Variants in FBXO34 observed in about 807,000 individuals in gnomAD.
FBXO34 encodes F-box only protein 34.
A neutral mutation model predicts 24.5 loss-of-function variants in FBXO34; 12 were observed. The ratio of observed to expected loss-of-function variants is 0.49; its 90% confidence interval spans 0.31 to 0.79. The LOEUF is 0.79. Ranked by LOEUF, FBXO34 falls within the 30% of genes least tolerant of loss-of-function variation. FBXO34 has a pLI of 0.04. For missense variants in FBXO34, 823 were observed against 857.7 expected, an observed-to-expected ratio of 0.96 and a Z score of 0.51; for synonymous variants, 320 against 311.9, an observed-to-expected ratio of 1.03 and a Z score of -0.27.
chr14:55,438,241 G>A, the FBXO34 span, among the ~76,000 whole-genome samples: 1 of 152,206 alleles, frequency 6.6e-6, no homozygotes, highest in South Asian at 2.1e-4. Flanking sequence ...TCTGACTGGA[G>A]CCTATTGGAG....
At chr14:55,289,065 A>G (rs1480330711) in intron 1 of FBXO34, among the ~76,000 whole-genome samples, 2 of 152,158 alleles carry the variant, frequency 1.3e-5, no homozygotes, top group Admixed American at 6.6e-5. Context: ...AAACAAAAAA[A>G]GTATATGTAA....
intron 1 of FBXO34, among the ~76,000 whole-genome samples, chr14:55,313,984 C>A (rs956928908): frequency 6.6e-6 from 1 of 152,158 alleles, no homozygotes; most frequent in African/African-American, 2.4e-5. Context: ...CTTACTGCAG[C>A]CTCAACCTTC....
At chr14:55,294,032 A>T (rs1882037350) in intron 1 of FBXO34, among the ~76,000 whole-genome samples, 1 of 152,090 alleles carries the variant, frequency 6.6e-6, no homozygotes, top group African/African-American at 2.4e-5. Flanking sequence ...ATAAATCTTC[A>T]TTCCTTACCT....
downstream of FBXO34, chr14:55,369,910 T>G: frequency 2.5e-6 from 4 of 1,611,092 alleles, no homozygotes; most frequent in Non-Finnish European, 3.4e-6. Flanking sequence ...CTGCTCGTAC[T>G]TCAAAGGGCC....
chr14:55,427,838 C>CAT, the FBXO34 span, among the ~76,000 whole-genome samples: 1 of 150,918 alleles, frequency 6.6e-6, no homozygotes, highest in African/African-American at 2.4e-5. Context: ...TATATACACA[C>CAT]ACACACACAC....
In FBXO34 at chr14:55,351,640, CCT is replaced by C; in HGVS notation, c.1254_1255del (p.His419TyrfsTer7). On this transcript the variant is annotated frameshift_variant, in exon 2 of 2. Transcript: ENST00000313833. LOFTEE classifies it high-confidence loss of function. ...GATGAACTCGTTGGGTTACCTTTTT[CCT>C]CTCATACCTATTCCCAAGCCTCTGA... 1 of 1,614,180 alleles carries C rather than the reference CCT, an allele frequency of 6.2e-7. No individual in the cohort carries two copies.
chr14:55,371,986 TCTC>T (rs1884829260), downstream of FBXO34, among the ~76,000 whole-genome samples: 1 of 152,168 alleles, frequency 6.6e-6, no homozygotes, highest in Non-Finnish European at 1.5e-5. Context: ...AGCACCCTCT[TCTC>T]AAGTTTCTCC....
chr14:55,286,453 G>C (rs530725290), intron 1 of FBXO34, among the ~76,000 whole-genome samples: 3 of 152,256 alleles, frequency 2.0e-5, no homozygotes, highest in African/African-American at 7.2e-5. Flanking sequence ...CTTGTGCATT[G>C]TATTTGTTTT....
the FBXO34 span, among the ~76,000 whole-genome samples, chr14:55,441,333 T>C: frequency 6.6e-6 from 1 of 152,062 alleles, no homozygotes; most frequent in South Asian, 2.1e-4. Flanking sequence ...AATTTTTATT[T>C]TTAGTAGTGA....
the FBXO34 span, among the ~76,000 whole-genome samples, chr14:55,430,848 A>G: frequency 1.3e-5 from 2 of 152,184 alleles, no homozygotes; most frequent in Non-Finnish European, 2.9e-5. Context: ...TTTGAACTAC[A>G]TTTTGCCTAA....
At chr14:55,333,460 A>C (rs528394725) in intron 1 of FBXO34, among the ~76,000 whole-genome samples, 3 of 152,348 alleles carry the variant, frequency 2.0e-5, no homozygotes, top group South Asian at 2.1e-4. Context: ...TGAACTGTGC[A>C]TACTTGACAA....
At chr14:55,406,821 C>A in the FBXO34 span, among the ~76,000 whole-genome samples, 1 of 152,246 alleles carries the variant, frequency 6.6e-6, no homozygotes, top group Non-Finnish European at 1.5e-5. Flanking sequence ...TATCCCTGAA[C>A]CCTAAAATTT....
At chr14:55,402,966 T>TATAA in the FBXO34 span, among the ~76,000 whole-genome samples, 206 of 58,974 alleles carry the variant, frequency 3.5e-3, 6 homozygotes, top group Non-Finnish European at 5.7e-3. Flanking sequence ...TATATATATA[T>TATAA]ATAAATAGCT....
chr14:55,432,307 A>G, the FBXO34 span, among the ~76,000 whole-genome samples: 1 of 151,740 alleles, frequency 6.6e-6, no homozygotes, highest in East Asian at 1.9e-4. Context: ...CAGCTACTTA[A>G]GAGGCCGAGC....
At chr14:55,314,814 A>G (rs944348897) in intron 1 of FBXO34, among the ~76,000 whole-genome samples, 3 of 152,194 alleles carry the variant, frequency 2.0e-5, no homozygotes, top group African/African-American at 7.2e-5. Context: ...AAATGTACAT[A>G]GTTTAGTTGA....
At chr14:55,397,492 CTA>C in the FBXO34 span, 1 of 1,333,702 alleles carries the variant, frequency 7.5e-7, no homozygotes. Context: ...TTCAATGAGA[CTA>C]TGCAAATTCC....
chr14:55,290,915 G>A (rs117109421), intron 1 of FBXO34, among the ~76,000 whole-genome samples: 8,848 of 152,234 alleles, frequency 0.058, 328 homozygotes, highest in South Asian at 0.089. Context: ...TGCCTCCGGA[G>A]TTCAAGTGAT....
chr14:55,334,361 T>C (rs1008263672), intron 1 of FBXO34, among the ~76,000 whole-genome samples: 1 of 152,182 alleles, frequency 6.6e-6, no homozygotes, highest in Admixed American at 6.5e-5. Context: ...AGTACTTACA[T>C]GTACAGGGCA....
chr14:55,296,533 T>A (rs1882139052), intron 1 of FBXO34, among the ~76,000 whole-genome samples: 1 of 151,794 alleles, frequency 6.6e-6, no homozygotes, highest in Non-Finnish European at 1.5e-5. Flanking sequence ...TAGCTGGAAT[T>A]ACAGGCGCCT....
Sources: gnomAD v4.1 joint callset for allele counts (sites outside exome capture counted in the v4.1 genomes callset) on GRCh38, gnomAD v4.1.1 for gene constraint, MANE v1.5 for transcripts, NCBI Gene and HGNC (gene_info 2026-07-23, HGNC 2026-07-21) for gene names.